Variants in CYB5A observed in about 807,000 individuals in gnomAD.
The protein encoded by CYB5A is cytochrome b5 type A, also known as cytochrome b5.
A neutral mutation model predicts 16.2 loss-of-function variants in CYB5A; 10 were observed. That is an observed-to-expected ratio of 0.62 (90% CI 0.38 to 1.04). CYB5A has a LOEUF of 1.04. Among genes scored for constraint, CYB5A ranks in the 50% least tolerant of loss-of-function variants. The pLI is 0.01. For synonymous variants in CYB5A, 62 were observed against 57.0 expected (o/e 1.09, Z -0.40); for missense variants, 161 against 165.9 (o/e 0.97, Z 0.16).
intron 1 of CYB5A, among the ~76,000 whole-genome samples, chr18:74,274,082 TAAG>T (rs1982775420): frequency 6.6e-6 from 1 of 152,036 alleles, no homozygotes. Context: ...GAAATGAAAA[TAAG>T]GAGTCCACTT....
chr18:74,279,656 T>C (rs1281682052), intron 1 of CYB5A, among the ~76,000 whole-genome samples: 5 of 152,156 alleles, frequency 3.3e-5, no homozygotes, highest in Non-Finnish European at 7.4e-5. Flanking sequence ...TCTCTTTTGT[T>C]TTTTTTCCTC....
At chr18:74,262,135 G>GT (rs1483481095) in intron 2 of CYB5A, among the ~76,000 whole-genome samples, 1 of 152,172 alleles carries the variant, frequency 6.6e-6, no homozygotes, top group Non-Finnish European at 1.5e-5. Flanking sequence ...GTCTAAAACC[G>GT]TAACACAGCA....
intron 2 of CYB5A, 58 bp from the exon 3 acceptor site, chr18:74,261,002 C>A: frequency 7.6e-7 from 1 of 1,308,088 alleles, no homozygotes; most frequent in South Asian, 1.2e-5. Flanking sequence ...AGTACCACTT[C>A]CAAAATGCTG....
At chr18:74,262,812 T>C (rs1192374400) in intron 2 of CYB5A, among the ~76,000 whole-genome samples, 2 of 152,158 alleles carry the variant, frequency 1.3e-5, no homozygotes, top group Non-Finnish European at 2.9e-5. Context: ...CCCCAGTGCA[T>C]GGCTGTGGGG....
intron 1 of CYB5A, among the ~76,000 whole-genome samples, chr18:74,277,304 CTG>C (rs1052095679): frequency 2.0e-5 from 3 of 152,206 alleles, no homozygotes; most frequent in Non-Finnish European, 4.4e-5. Context: ...ATTCTGGACT[CTG>C]TGGAGGGGCC....
At chr18:74,261,277 T>A (rs1982187684) in intron 2 of CYB5A, 5 of 346,006 alleles carry the variant, frequency 1.4e-5, no homozygotes, top group Non-Finnish European at 2.8e-5. Flanking sequence ...TCTTCCCTTC[T>A]GTCCTCTCAA....
chr18:74,284,917 A>G (rs1983262890), intron 1 of CYB5A, among the ~76,000 whole-genome samples: 1 of 152,200 alleles, frequency 6.6e-6, no homozygotes, highest in Non-Finnish European at 1.5e-5. Flanking sequence ...GCCAGATTCT[A>G]TTCAACAGCA....
chr18:74,291,630 G>C (rs1983546648), intron 1 of CYB5A, 117 bp downstream of exon 1: 1 of 1,489,746 alleles, frequency 6.7e-7, no homozygotes, highest in African/African-American at 1.4e-5. Context: ...AGCGAACTCG[G>C]GGGGCGCGCC....
intron 4 of CYB5A, among the ~76,000 whole-genome samples, chr18:74,254,401 CAAAAA>C (rs35917281): frequency 9.1e-6 from 1 of 110,464 alleles, no homozygotes. Context: ...CTAAATTCAC[CAAAAA>C]AAAAAAAAAA....
intron 1 of CYB5A, among the ~76,000 whole-genome samples, chr18:74,271,658 G>T (rs1259824771): frequency 6.6e-6 from 1 of 152,100 alleles, no homozygotes; most frequent in Non-Finnish European, 1.5e-5. Flanking sequence ...GTGTGTGTGT[G>T]TGTGTGTGTG....
Position 74,253,250 on chromosome 18 carries a change from C to A in CYB5A, c.*334G>T. The A allele has an allele frequency of 3.0e-6, 1 of 329,166 alleles. No homozygotes were observed. 20.4% of individuals were successfully genotyped at this position (329,166 alleles called of 1,614,324 possible). On this transcript the variant is annotated 3_prime_UTR_variant, in exon 5 of 5. Transcript: ENST00000340533. ...AAGGAATCCTCTAAATAACCAGATT[C>A]TAAACATTAAAGACAATTATACACC...
intron 3 of CYB5A, chr18:74,258,193 A>G (rs1030505726): frequency 6.6e-6 from 1 of 152,180 alleles, no homozygotes; most frequent in African/African-American, 2.4e-5. Flanking sequence ...TGGGTGCTAG[A>G]TGGTTCTGGA....
rs115752542 is a variant in CYB5A at position 74,253,398 on chromosome 18, C to T, written c.*186G>A. The T allele has an allele frequency of 2.1e-4, 112 of 523,766 alleles. No homozygotes were observed. Among genetic ancestry groups the T allele is most frequent in the South Asian group, 4.7e-4 (23 of 49,296 alleles). The allele number at this position is 523,766 out of a possible 1,614,324, so 32.4% of individuals were successfully genotyped here. A position where few individuals can be genotyped will look rare whatever the true frequency, so the allele number is the denominator to read the frequency against. The stretch of plus-strand genomic sequence containing the variant: ...AAGTAGATGAATAAAAAGGCACACT[C>T]GAAAAATTTGAGCGCAGAAAGGACA... On this transcript the variant is annotated 3_prime_UTR_variant, in exon 5 of 5. Coordinates refer to ENST00000340533, the MANE Select transcript of CYB5A (RefSeq NM_148923.4).
chr18:74,284,340 C>T (rs1046613028), intron 1 of CYB5A, among the ~76,000 whole-genome samples: 4 of 151,532 alleles, frequency 2.6e-5, no homozygotes, highest in Non-Finnish European at 5.9e-5. Context: ...TGTCCATAAA[C>T]ATTCAGCCAA....
chr18:74,260,188 C>T (rs759771772), intron 3 of CYB5A: 14 of 152,306 alleles, frequency 9.2e-5, no homozygotes, highest in Admixed American at 4.6e-4. Flanking sequence ...TACACCAAAA[C>T]GAAAAATTAT....
chr18:74,279,385 C>G (rs1401974638), intron 1 of CYB5A, among the ~76,000 whole-genome samples: 1 of 152,150 alleles, frequency 6.6e-6, no homozygotes, highest in Admixed American at 6.5e-5. Context: ...AAAAATTAGC[C>G]AGGCATGGTG....
chr18:74,289,242 T>C lies in CYB5A; in HGVS notation c.129+2505A>G, dbSNP rs529788223. Among the ~76,000 whole-genome samples, 12 of 152,336 alleles carry C rather than the reference T, an allele frequency of 7.9e-5. 1 individual carries two copies. The East Asian group carries it at 2.1e-3, about 27-fold the overall frequency. On this transcript the variant is annotated intron_variant, in intron 1 of 4. Transcript: ENST00000340533. The stretch of plus-strand genomic sequence containing the variant: ...TTACCCACTCAAGAGCTTGCTCTCA[T>C]CTCTCAGTTTTTCTCGGAAAATTTT...
At chr18:74,265,348 G>A (rs1982392535) in intron 1 of CYB5A, among the ~76,000 whole-genome samples, 1 of 152,146 alleles carries the variant, frequency 6.6e-6, no homozygotes, top group Non-Finnish European at 1.5e-5. Context: ...TGTAATGTTG[G>A]ATAGAAACTG....
chr18:74,263,207 A>T (rs1599250397), intron 2 of CYB5A, 142 bp downstream of exon 2: 1 of 1,102,652 alleles, frequency 9.1e-7, no homozygotes, highest in Admixed American at 2.0e-5. Context: ...ATTTATTTAT[A>T]ACAAAAAATG....
Sources: allele counts gnomAD v4.1 joint callset (sites outside exome capture counted in the v4.1 genomes callset), GRCh38; gene constraint gnomAD v4.1.1; transcripts MANE v1.5; gene names NCBI Gene and HGNC (gene_info 2026-07-23, HGNC 2026-07-21).